CA10: variants seen among roughly 807,000 people sequenced by gnomAD.
CA10 encodes the protein carbonic anhydrase 10 (inactive), also known as carbonic anhydrase-related protein 10.
Under a neutral mutation model 44.2 loss-of-function variants are expected in CA10, and 14 were observed. That is an observed-to-expected ratio of 0.32 (90% confidence interval 0.21 to 0.50). CA10 has a LOEUF of 0.50. Ranked by LOEUF, CA10 falls within the 20% of genes least tolerant of loss-of-function variation. The pLI, the probability that CA10 is intolerant of heterozygous loss-of-function variation, is 0.99. For synonymous variants in CA10, 159 were observed against 141.6 expected, an observed-to-expected ratio of 1.12 and a Z score of -0.87; for missense variants, 350 against 409.7, an observed-to-expected ratio of 0.85 and a Z score of 1.26.
At chr17:52,027,779 T>C (rs773850647) in intron 2 of CA10, among the ~76,000 whole-genome samples, 25 of 152,122 alleles carry the variant, frequency 1.6e-4, no homozygotes, top group Admixed American at 3.9e-4. Flanking sequence ...ATACAATGCT[T>C]TGCATTTTTC....
intron 1 of CA10, among the ~76,000 whole-genome samples, chr17:52,107,644 C>A (rs1026927747): frequency 3.9e-5 from 6 of 152,052 alleles, no homozygotes; most frequent in African/African-American, 9.7e-5. Context: ...AATGATGAGG[C>A]CCTTCAAGTC....
chr17:51,674,593 C>T (rs1914547486), intron 4 of CA10, among the ~76,000 whole-genome samples: 2 of 152,136 alleles, frequency 1.3e-5, no homozygotes, highest in Non-Finnish European at 2.9e-5. Flanking sequence ...GGAAAAGATG[C>T]TATTATCTGC....
intron 3 of CA10, among the ~76,000 whole-genome samples, chr17:51,831,006 T>C (rs370755111): frequency 6.6e-6 from 1 of 152,202 alleles, no homozygotes; most frequent in East Asian, 1.9e-4. Context: ...AATATACCCA[T>C]GTAAGACTTG....
chr17:51,675,548 CAAAAAAA>C (rs34639980), intron 4 of CA10, among the ~76,000 whole-genome samples: 1 of 117,954 alleles, frequency 8.5e-6, no homozygotes, highest in Non-Finnish European at 1.7e-5. Context: ...GACTCCATCT[CAAAAAAA>C]AAAAAAAAAA....
intron 2 of CA10, among the ~76,000 whole-genome samples, chr17:51,937,001 A>G (rs1171086059): frequency 6.6e-6 from 1 of 152,186 alleles, no homozygotes; most frequent in African/African-American, 2.4e-5. Context: ...GTGCTTTACA[A>G]GCCATTCTTT....
chr17:51,689,806 A>G (rs1002667148), intron 4 of CA10, among the ~76,000 whole-genome samples: 20 of 152,180 alleles, frequency 1.3e-4, no homozygotes, highest in African/African-American at 4.3e-4. Context: ...TAACTGACAA[A>G]TGAAAATTCA....
At chr17:51,671,317 C>A (rs1164767510) in intron 4 of CA10, among the ~76,000 whole-genome samples, 1 of 152,200 alleles carries the variant, frequency 6.6e-6, no homozygotes, top group Admixed American at 6.5e-5. Context: ...CTCACCTCCT[C>A]CTTTACAACA....
At chr17:52,112,745 TTATA>T (rs1988812934) in intron 1 of CA10, among the ~76,000 whole-genome samples, 1 of 152,218 alleles carries the variant, frequency 6.6e-6, no homozygotes, top group South Asian at 2.1e-4. Flanking sequence ...GCCATTATTA[TTATA>T]AACAGCAAGA....
chr17:51,905,983 G>A (rs1447538205), intron 3 of CA10, among the ~76,000 whole-genome samples: 1 of 152,072 alleles, frequency 6.6e-6, no homozygotes. Context: ...ACCTGCTGGT[G>A]GCCAGCACCT....
chr17:51,845,365 C>G (rs1285509838), intron 3 of CA10, among the ~76,000 whole-genome samples: 1 of 152,146 alleles, frequency 6.6e-6, no homozygotes, highest in Non-Finnish European at 1.5e-5. Context: ...GATATTCTAG[C>G]AGCCTGCAGA....
At chr17:51,733,757 C>A (rs1916799866) in intron 4 of CA10, among the ~76,000 whole-genome samples, 1 of 152,180 alleles carries the variant, frequency 6.6e-6, no homozygotes, top group South Asian at 2.1e-4. Context: ...AATCTTCTTA[C>A]TGTTTCGGCT....
intron 2 of CA10, among the ~76,000 whole-genome samples, chr17:52,015,025 G>A (rs1985924172): frequency 6.6e-6 from 1 of 151,876 alleles, no homozygotes; most frequent in Non-Finnish European, 1.5e-5. Flanking sequence ...AATTAAAAAA[G>A]CAGTTTGCAA....
chr17:51,990,029 T>C (rs945431577), intron 2 of CA10, among the ~76,000 whole-genome samples: 6 of 152,190 alleles, frequency 3.9e-5, no homozygotes, highest in Non-Finnish European at 8.8e-5. Context: ...TGAAACCAAC[T>C]AGCCTGCTTC....
At chr17:51,766,436 G>A (rs1905385256) in intron 3 of CA10, among the ~76,000 whole-genome samples, 1 of 152,144 alleles carries the variant, frequency 6.6e-6, no homozygotes, top group Non-Finnish European at 1.5e-5. Flanking sequence ...GATTCCAGTG[G>A]AGTGGACAGG....
chr17:51,680,722 C>T (rs921264356), intron 4 of CA10, among the ~76,000 whole-genome samples: 2 of 152,142 alleles, frequency 1.3e-5, no homozygotes, highest in Admixed American at 1.3e-4. Flanking sequence ...ACATGTCCTC[C>T]CCTGAATGTC....
At chr17:51,914,802 A>G (rs1981928356) in intron 3 of CA10, among the ~76,000 whole-genome samples, 1 of 152,182 alleles carries the variant, frequency 6.6e-6, no homozygotes, top group South Asian at 2.1e-4. Flanking sequence ...ACAACCTAAG[A>G]TTGAAACTCA....
At chr17:52,156,254 C>G (rs893315684) in intron 1 of CA10, among the ~76,000 whole-genome samples, 1 of 152,048 alleles carries the variant, frequency 6.6e-6, no homozygotes, top group African/African-American at 2.4e-5. Flanking sequence ...GAGATGCCAC[C>G]CACTTCATAT....
chr17:51,819,402 C>T (rs1463369984), intron 3 of CA10, among the ~76,000 whole-genome samples: 1 of 152,168 alleles, frequency 6.6e-6, no homozygotes, highest in East Asian at 1.9e-4. Context: ...ACCACAAACC[C>T]TTACTATGAG....
At chr17:51,980,661 G>A (rs746277920) in intron 2 of CA10, among the ~76,000 whole-genome samples, 1 of 151,982 alleles carries the variant, frequency 6.6e-6, no homozygotes, top group Non-Finnish European at 1.5e-5. Context: ...ATTTTCAATT[G>A]AAGTCTTTAA....
Sources: allele counts gnomAD v4.1 joint callset (sites outside exome capture counted in the v4.1 genomes callset), GRCh38; gene constraint gnomAD v4.1.1; transcripts MANE v1.5; gene names NCBI Gene and HGNC (gene_info 2026-07-23, HGNC 2026-07-21).